KLRG1: variants seen among roughly 807,000 people sequenced by gnomAD.
The protein encoded by KLRG1 is killer cell lectin like receptor G1, also known as killer cell lectin-like receptor subfamily G member 1.
In KLRG1, 16 loss-of-function variants were observed where a neutral mutation model predicts 21.8. That is an observed-to-expected ratio of 0.73 (90% CI 0.50 to 1.11). KLRG1 has a LOEUF of 1.11. Among genes scored for constraint, KLRG1 ranks in the 50% most tolerant of loss-of-function variants. KLRG1 has a pLI of 0.00. For synonymous variants in KLRG1, 69 were observed against 75.9 expected, an observed-to-expected ratio of 0.91 and a Z score of 0.47; for missense variants, 173 against 218.3, an observed-to-expected ratio of 0.79 and a Z score of 1.31.
the KLRG1 span, among the ~76,000 whole-genome samples, chr12:9,171,472 C>T: frequency 6.6e-6 from 1 of 152,204 alleles, no homozygotes; most frequent in Non-Finnish European, 1.5e-5. Flanking sequence ...GACTGTGACA[C>T]CTCACCAGCA....
At chr12:9,182,162 A>AAATGGTCATAAGTGAGACAC in the KLRG1 span, 2 of 1,545,258 alleles carry the variant, frequency 1.3e-6, no homozygotes, top group Non-Finnish European at 8.8e-7. Context: ...AAGTGAGACA[A>AAATGGTCATAAGTGAGACAC]AAAGGTCATA....
chr12:9,182,148 T>TCATAAGTGAGACAAAATGGC, the KLRG1 span: 2 of 1,607,488 alleles, frequency 1.2e-6, no homozygotes, highest in Non-Finnish European at 1.7e-6. Flanking sequence ...GACAAAATGG[T>TCATAAGTGAGACAAAATGGC]CATAAGTGAG....
At chr12:9,046,514 G>A in the KLRG1 span, among the ~76,000 whole-genome samples, 2 of 152,166 alleles carry the variant, frequency 1.3e-5, no homozygotes, top group Non-Finnish European at 2.9e-5. Flanking sequence ...GCTAGAGTGA[G>A]GGAAAGCCTT....
At chr12:9,122,455 T>C in the KLRG1 span, among the ~76,000 whole-genome samples, 68 of 152,310 alleles carry the variant, frequency 4.5e-4, no homozygotes, top group African/African-American at 1.6e-3. Context: ...GTAGGAAAGA[T>C]AAAGTTGTTT....
chr12:9,067,761 C>A, the KLRG1 span: 1 of 1,516,612 alleles, frequency 6.6e-7, no homozygotes, highest in Non-Finnish European at 9.1e-7. Context: ...TACAAAAACA[C>A]GTGTCTTCTG....
chr12:9,139,001 T>C, the KLRG1 span, among the ~76,000 whole-genome samples: 1 of 152,094 alleles, frequency 6.6e-6, no homozygotes, highest in Non-Finnish European at 1.5e-5. Context: ...TTTTCTAGCC[T>C]CTTGAAGTAT....
the KLRG1 span, among the ~76,000 whole-genome samples, chr12:9,044,147 T>G: frequency 6.6e-6 from 1 of 152,330 alleles, no homozygotes; most frequent in Middle Eastern, 3.4e-3. Context: ...GAAGCAGATA[T>G]TAATTTATTG....
At chr12:9,165,940 G>A in the KLRG1 span, 8 of 1,292,296 alleles carry the variant, frequency 6.2e-6, no homozygotes, top group South Asian at 1.4e-5. Flanking sequence ...TAAAGAGGAA[G>A]AGGTTAAGAT....
At chr12:9,063,146 A>T in the KLRG1 span, among the ~76,000 whole-genome samples, 7 of 152,330 alleles carry the variant, frequency 4.6e-5, no homozygotes, top group African/African-American at 1.7e-4. Context: ...TTGGGATTAT[A>T]GGCATGAACC....
At chr12:9,205,742 C>T in the KLRG1 span, among the ~76,000 whole-genome samples, 1 of 152,144 alleles carries the variant, frequency 6.6e-6, no homozygotes, top group Non-Finnish European at 1.5e-5. Context: ...CCAACATAAA[C>T]TCTTACTTTT....
At chr12:9,108,696 G>A in the KLRG1 span, among the ~76,000 whole-genome samples, 1 of 152,156 alleles carries the variant, frequency 6.6e-6, no homozygotes, top group African/African-American at 2.4e-5. Context: ...GTGCCACCAT[G>A]GATGGGAACA....
chr12:8,995,363 T>C, intron 3 of KLRG1, 75 bp downstream of exon 3: 1 of 1,242,606 alleles, frequency 8.0e-7, no homozygotes, highest in Non-Finnish European at 1.1e-6. Flanking sequence ...TATTTAAATG[T>C]ATCATGTATC....
the KLRG1 span, chr12:9,149,034 C>T: frequency 2.5e-6 from 4 of 1,584,146 alleles, no homozygotes; most frequent in Admixed American, 6.7e-5. Flanking sequence ...TGTATCATTT[C>T]CTGAGGAGCA....
intron 3 of KLRG1, among the ~76,000 whole-genome samples, chr12:8,997,287 G>C (rs936660356): frequency 1.3e-5 from 2 of 152,174 alleles, no homozygotes; most frequent in African/African-American, 2.4e-5. Flanking sequence ...TAACATTCCT[G>C]TGGAATCTTA....
chr12:9,095,619 G>A, the KLRG1 span: 4 of 1,610,858 alleles, frequency 2.5e-6, no homozygotes, highest in Non-Finnish European at 3.4e-6. Flanking sequence ...ACATTATGAC[G>A]ATTGATGCAG....
At chr12:9,199,809 C>T in the KLRG1 span, among the ~76,000 whole-genome samples, 2 of 152,080 alleles carry the variant, frequency 1.3e-5, no homozygotes, top group African/African-American at 4.8e-5. Flanking sequence ...GTGATAGGTA[C>T]ATGAAATTGT....
At chr12:9,161,576 T>G in the KLRG1 span, among the ~76,000 whole-genome samples, 1 of 152,188 alleles carries the variant, frequency 6.6e-6, no homozygotes, top group Non-Finnish European at 1.5e-5. Context: ...GAACTATCGC[T>G]CTCCACTTTT....
At chr12:9,196,774 C>CTTTT in the KLRG1 span, 1 of 991,766 alleles carries the variant, frequency 1.0e-6, no homozygotes, top group Non-Finnish European at 1.5e-6. Context: ...GACAAGAAAA[C>CTTTT]TTTTTTTTTG....
chr12:9,203,636 T>C, the KLRG1 span: 1 of 1,074,446 alleles, frequency 9.3e-7, no homozygotes, highest in Non-Finnish European at 1.3e-6. Flanking sequence ...CCACCGCACC[T>C]GGCCCCTGAA....
Sources: allele counts gnomAD v4.1 joint callset (sites outside exome capture counted in the v4.1 genomes callset), GRCh38; gene constraint gnomAD v4.1.1; transcripts MANE v1.5; gene names NCBI Gene and HGNC (gene_info 2026-07-23, HGNC 2026-07-21).